The following LRRTM4 variants were observed in gnomAD, a reference collection of about 807,000 sequenced individuals.
LRRTM4 encodes leucine-rich repeat transmembrane neuronal protein 4.
LRRTM4 carries 25 observed loss-of-function variants against 47.6 expected under a neutral mutation model. The ratio of observed to expected loss-of-function variants is 0.53; its 90% CI spans 0.38 to 0.73. The LOEUF (loss-of-function observed/expected upper bound fraction) is 0.73, where lower values mean the gene tolerates loss of function less well. LRRTM4 is among the 30% of genes least tolerant of loss of function. LRRTM4 has a pLI of 0.00. For synonymous variants in LRRTM4, 311 were observed against 269.5 expected (o/e 1.15, Z -1.51); for missense variants, 638 against 713.4 (o/e 0.89, Z 1.20).
chr2:77,091,181 T>C lies in LRRTM4; in HGVS notation c.1552-342265A>G, dbSNP rs555098397. ...TCTGCTTCCCTGACTATTCCTGGAC[T>C]ACAGCTATATCTCATTGCCGCCCTT... On this transcript the variant is annotated intron_variant, in intron 3 of 3. Coordinates refer to ENST00000409884, the MANE Select transcript of LRRTM4 (RefSeq NM_001134745.3). Among the ~76,000 whole-genome samples the C allele has an allele frequency of 6.6e-3, 971 of 146,156 alleles. 1 individual carries two copies. The highest frequency in any genetic ancestry group is 0.011 in the Non-Finnish European group (687 of 63,986).
chr2:77,114,649 C>T lies in LRRTM4; in HGVS notation c.1552-365733G>A, dbSNP rs141488517. Among the ~76,000 whole-genome samples the T allele has an allele frequency of 3.0e-3, 453 of 152,216 alleles. 2 individuals carry two copies. The highest frequency in any genetic ancestry group is 3.9e-3 in the African/African-American group (161 of 41,532). The stretch of plus-strand genomic sequence containing the variant: ...GGTTCTTTCTATTTTCCCTAAGTGT[C>T]GGCCAGTCTGAGAAATAAAAAGAAA... On this transcript the variant is annotated intron_variant, in intron 3 of 3. Transcript: ENST00000409884.
At chr2:77,140,942 G>C (rs1379900226) in intron 3 of LRRTM4, among the ~76,000 whole-genome samples, 1 of 152,200 alleles carries the variant, frequency 6.6e-6, no homozygotes, top group Non-Finnish European at 1.5e-5. Context: ...ACACCAGTTA[G>C]AATGGTGATC....
At chr2:77,352,529 T>G (rs139857089) in intron 3 of LRRTM4, among the ~76,000 whole-genome samples, 177 of 152,264 alleles carry the variant, frequency 1.2e-3, no homozygotes, top group African/African-American at 4.0e-3. Context: ...TGCTTGGACA[T>G]AGTTGTAATC....
chr2:77,105,618 C>A (rs112594515), intron 3 of LRRTM4, among the ~76,000 whole-genome samples: 2 of 152,062 alleles, frequency 1.3e-5, no homozygotes, highest in South Asian at 2.1e-4. Flanking sequence ...ACGTAACTAA[C>A]CTGCACGTTG....
chr2:76,765,019 G>A (rs1673402618), intron 3 of LRRTM4, among the ~76,000 whole-genome samples: 1 of 152,148 alleles, frequency 6.6e-6, no homozygotes, highest in Admixed American at 6.5e-5. Context: ...ACCCAAGTTG[G>A]TCCAGAAAAT....
chr2:77,089,159 A>G (rs7580833), intron 3 of LRRTM4, among the ~76,000 whole-genome samples: 3 of 150,556 alleles, frequency 2.0e-5, no homozygotes, highest in Non-Finnish European at 1.5e-5. Context: ...GAAGGGGCAA[A>G]TACCCCAACC....
At chr2:76,769,183 C>T (rs553257497) in intron 3 of LRRTM4, among the ~76,000 whole-genome samples, 3 of 152,086 alleles carry the variant, frequency 2.0e-5, no homozygotes, top group Non-Finnish European at 4.4e-5. Context: ...CTAGAAGGAA[C>T]GTTCTGCTCC....
chr2:77,131,312 G>A lies in LRRTM4; in HGVS notation c.1552-382396C>T, dbSNP rs1390551067. Among the ~76,000 whole-genome samples the A allele has an allele frequency of 3.9e-5, 6 of 152,128 alleles. No homozygotes were observed. In the East Asian group the frequency reaches 1.2e-3, roughly 29 times the overall value. On this transcript the variant is annotated intron_variant, in intron 3 of 3. Coordinates refer to ENST00000409884, the MANE Select transcript of LRRTM4 (RefSeq NM_001134745.3). ...ATTTGAGACGAGAGACTAAACAAAG[G>A]CCCTTCCCTTCTAAATGTGAAAGCT...
At chr2:77,061,519 A>G (rs528625137) in intron 3 of LRRTM4, among the ~76,000 whole-genome samples, 1 of 152,304 alleles carries the variant, frequency 6.6e-6, no homozygotes, top group Admixed American at 6.5e-5. Flanking sequence ...TATCGCATCA[A>G]TCTTAGGGGT....
chr2:77,371,720 T>A (rs1265597274), intron 3 of LRRTM4, among the ~76,000 whole-genome samples: 1 of 151,728 alleles, frequency 6.6e-6, no homozygotes. Flanking sequence ...ATCTTCAACT[T>A]TTTTTTCTAT....
intron 3 of LRRTM4, among the ~76,000 whole-genome samples, chr2:76,914,007 A>G (rs2103788253): frequency 6.6e-6 from 1 of 151,944 alleles, no homozygotes; most frequent in East Asian, 1.9e-4. Flanking sequence ...ATGTACAATT[A>G]AAGATATAAA....
intron 3 of LRRTM4, among the ~76,000 whole-genome samples, chr2:77,094,235 A>G (rs893328523): frequency 6.6e-6 from 1 of 152,342 alleles, no homozygotes; most frequent in African/African-American, 2.4e-5. Flanking sequence ...AAGGAGCTGA[A>G]AGAGCTGTAC....
chr2:77,027,350 C>CT (rs1455414504), intron 3 of LRRTM4, among the ~76,000 whole-genome samples: 7 of 152,028 alleles, frequency 4.6e-5, no homozygotes, highest in Non-Finnish European at 8.8e-5. Flanking sequence ...CTCATAAATG[C>CT]TTTTTAAAAT....
At chr2:76,812,114 A>G (rs1227035317) in intron 3 of LRRTM4, among the ~76,000 whole-genome samples, 1 of 152,158 alleles carries the variant, frequency 6.6e-6, no homozygotes, top group African/African-American at 2.4e-5. Context: ...TAAAGCACTA[A>G]GAAAAATTTA....
intron 3 of LRRTM4, among the ~76,000 whole-genome samples, chr2:77,494,734 A>G (rs1356687047): frequency 6.6e-6 from 1 of 152,092 alleles, no homozygotes; most frequent in Non-Finnish European, 1.5e-5. Flanking sequence ...AGCCATTAAC[A>G]CACTCGAAAT....
At chr2:77,258,020 T>C (rs542010615) in intron 3 of LRRTM4, among the ~76,000 whole-genome samples, 1 of 151,850 alleles carries the variant, frequency 6.6e-6, no homozygotes, top group Admixed American at 6.6e-5. Flanking sequence ...TGCTTGAACC[T>C]TGGAGGCAGA....
chr2:77,451,225 T>C (rs1676243100), intron 3 of LRRTM4, among the ~76,000 whole-genome samples: 1 of 152,194 alleles, frequency 6.6e-6, no homozygotes, highest in Admixed American at 6.5e-5. Context: ...ATGTATTCTA[T>C]GTATTTCATT....
chr2:76,791,896 A>G (rs1353426281), intron 3 of LRRTM4, among the ~76,000 whole-genome samples: 1 of 152,198 alleles, frequency 6.6e-6, no homozygotes, highest in Non-Finnish European at 1.5e-5. Flanking sequence ...ATTTTTGAGG[A>G]AAAGCAAAAT....
rs76428656 is a variant in LRRTM4, at chr2:77,283,944, A to G, written c.1551+234374T>C. Among the ~76,000 whole-genome samples, 1,073 of 152,192 alleles carry G rather than the reference A, an allele frequency of 7.1e-3. 10 individuals are homozygous for G. Among genetic ancestry groups the G allele is most frequent in the African/African-American group, 0.025 (1,030 of 41,554 alleles). On this transcript the variant is annotated intron_variant, in intron 3 of 3. Transcript: ENST00000409884. ...CATTACTCAATATGTCCATTCAACAAAACTGCACATGAAGCCCCTGAATAT... is the reference window on the plus strand; with the variant it reads ...CATTACTCAATATGTCCATTCAACAGAACTGCACATGAAGCCCCTGAATAT...
Sources: gnomAD v4.1 joint callset for allele counts (sites outside exome capture counted in the v4.1 genomes callset) on GRCh38, gnomAD v4.1.1 for gene constraint, MANE v1.5 for transcripts, NCBI Gene and HGNC (gene_info 2026-07-23, HGNC 2026-07-21) for gene names.